RYR2: variants seen among roughly 807,000 people sequenced by gnomAD.
The protein encoded by RYR2 is cardiac muscle ryanodine receptor-calcium release channel.
Under a neutral mutation model 601.1 loss-of-function variants are expected in RYR2, and 227 were observed. The observed-to-expected ratio is 0.38, with a 90% CI of 0.34 to 0.42. RYR2 has a LOEUF of 0.42. Among genes scored for constraint, RYR2 ranks in the 10% least tolerant of loss-of-function variants. The pLI, the probability that RYR2 is intolerant of heterozygous loss-of-function variation, is 1.00. For missense variants in RYR2, 4,646 were observed against 6,156.5 expected (o/e 0.75, Z 8.21); for synonymous variants, 2,223 against 2,175.1 (o/e 1.02, Z -0.61).
chr1:237,677,321 T>C (rs938537755), intron 60 of RYR2, among the ~76,000 whole-genome samples: 1 of 152,186 alleles, frequency 6.6e-6, no homozygotes, highest in African/African-American at 2.4e-5. Context: ...TATTAATATA[T>C]GCATGAACCT....
chr1:237,521,043 A>G (rs1163996214), intron 24 of RYR2, among the ~76,000 whole-genome samples: 1 of 152,132 alleles, frequency 6.6e-6, no homozygotes, highest in Middle Eastern at 3.2e-3. Context: ...TCTCCAAAAA[A>G]AAGGATTGAA....
At chr1:237,331,026 C>T (rs1399058837) in intron 3 of RYR2, 44 bp downstream of exon 3, 1 of 1,454,356 alleles carries the variant, frequency 6.9e-7, no homozygotes, top group Admixed American at 1.7e-5. Context: ...TTAATGAGCT[C>T]AGCTACTATA....
chr1:237,645,602 C>T (rs1682040396), intron 48 of RYR2, among the ~76,000 whole-genome samples: 1 of 152,130 alleles, frequency 6.6e-6, no homozygotes, highest in Non-Finnish European at 1.5e-5. Context: ...GCCCAGGGGT[C>T]CTTTACAGAA....
intron 10 of RYR2, among the ~76,000 whole-genome samples, chr1:237,392,829 C>T (rs1277039983): frequency 6.6e-6 from 1 of 152,098 alleles, no homozygotes; most frequent in Non-Finnish European, 1.5e-5. Flanking sequence ...ATGTTAAAAA[C>T]AGGTTTGCAA....
intron 25 of RYR2, among the ~76,000 whole-genome samples, chr1:237,536,636 A>T (rs908473205): frequency 6.7e-6 from 1 of 149,924 alleles, no homozygotes; most frequent in Non-Finnish European, 1.5e-5. Flanking sequence ...AATGGCGTGA[A>T]TCCGGGAGGC....
At chr1:237,455,221 T>C (rs1658665033) in intron 15 of RYR2, among the ~76,000 whole-genome samples, 1 of 152,178 alleles carries the variant, frequency 6.6e-6, no homozygotes, top group South Asian at 2.1e-4. Flanking sequence ...AGTCAGGAGC[T>C]TCGTTGGAGA....
chr1:237,374,236 C>T (rs1052844058), intron 6 of RYR2, among the ~76,000 whole-genome samples: 8 of 151,968 alleles, frequency 5.3e-5, no homozygotes, highest in Non-Finnish European at 1.0e-4. Context: ...TAAACCTTAA[C>T]GATGGCTGGT....
intron 91 of RYR2, 111 bp from the exon 92 acceptor site, chr1:237,787,877 C>T (rs1210793710): frequency 9.5e-7 from 1 of 1,053,644 alleles, no homozygotes; most frequent in Admixed American, 2.8e-5. Context: ...AATTAGTTTT[C>T]AAAAGTAATA....
At chr1:237,792,366 T>TGTGTGC (rs1553327290) in intron 94 of RYR2, 43 bp downstream of exon 94, 3 of 805,186 alleles carry the variant, frequency 3.7e-6, no homozygotes, top group Admixed American at 2.8e-5. Flanking sequence ...TGTGTGTGTG[T>TGTGTGC]GTGTGTGTGT....
chr1:237,304,855 A>G (rs1371735829), intron 2 of RYR2, among the ~76,000 whole-genome samples: 1 of 152,238 alleles, frequency 6.6e-6, no homozygotes, highest in Non-Finnish European at 1.5e-5. Context: ...TAGAATACAT[A>G]GAGTATTATG....
chr1:237,670,672 A>G (rs968732672), intron 58 of RYR2, among the ~76,000 whole-genome samples: 7 of 152,248 alleles, frequency 4.6e-5, no homozygotes, highest in African/African-American at 1.7e-4. Flanking sequence ...ATTAAAAATA[A>G]TAAGCAGCTA....
chr1:237,792,375 G>A lies in RYR2; in HGVS notation c.13782+52G>A, dbSNP rs1394424010. The A allele has an allele frequency of 1.5e-4, 125 of 833,936 alleles. 2 individuals are homozygous for A. The highest frequency in any genetic ancestry group is 3.4e-4 in the Middle Eastern group (1 of 2,922). The allele number at this position is 833,936 out of a possible 1,614,324, so 51.7% of individuals were successfully genotyped here. A position where few individuals can be genotyped will look rare whatever the true frequency, so the allele number is the denominator to read the frequency against. ...TGTGTGTGTGTGTGTGTGTGTGTGT[G>A]TGTGTGCGTGTGTGTGTGTGTGCGT... On this transcript the variant is annotated intron_variant, in intron 94 of 104. Coordinates refer to ENST00000366574, the MANE Select transcript of RYR2 (RefSeq NM_001035.3).
rs1288827105 is a variant in RYR2 at position 237,673,262 on chromosome 1, CTGTTT to C, written c.8591-832_8591-828del. 2.0e-5 allele frequency among the ~76,000 whole-genome samples: 3 copies of C among 152,228 alleles called. No individual in the cohort carries two copies. The East Asian group carries it at 5.8e-4, about 29-fold the overall frequency. On this transcript the variant is annotated intron_variant, in intron 58 of 104. Coordinates refer to ENST00000366574, the MANE Select transcript of RYR2 (RefSeq NM_001035.3). ...GCATACCATGCTATTCGGTTTGCTGCTGTTTTAATAGCATTCTTTGTATCAGATCT... is the reference window on the plus strand; with the variant it reads ...GCATACCATGCTATTCGGTTTGCTGCTAATAGCATTCTTTGTATCAGATCT...
chr1:237,559,982 T>C (rs1671290114), intron 27 of RYR2, among the ~76,000 whole-genome samples: 1 of 152,236 alleles, frequency 6.6e-6, no homozygotes, highest in African/African-American at 2.4e-5. Context: ...TCTCCCAGTC[T>C]TTACCAAAGG....
intron 1 of RYR2, among the ~76,000 whole-genome samples, chr1:237,160,664 C>G (rs888660067): frequency 5.3e-5 from 8 of 151,792 alleles, no homozygotes; most frequent in African/African-American, 1.9e-4. Context: ...GACAGCCTTT[C>G]ATTGATCTTT....
chr1:237,764,486 T>C (rs1693689479), intron 84 of RYR2, among the ~76,000 whole-genome samples: 1 of 145,826 alleles, frequency 6.9e-6, no homozygotes, highest in African/African-American at 2.5e-5. Context: ...TGTCGCTCTG[T>C]CGCCCAGGCT....
chr1:237,462,980 A>T (rs1407963791), intron 16 of RYR2, among the ~76,000 whole-genome samples: 2 of 152,124 alleles, frequency 1.3e-5, no homozygotes, highest in Admixed American at 1.3e-4. Context: ...AGTTTACAAG[A>T]TCCCCAAACA....
chr1:237,115,614 A>T (rs887849593), intron 1 of RYR2, among the ~76,000 whole-genome samples: 3 of 152,186 alleles, frequency 2.0e-5, no homozygotes, highest in African/African-American at 7.2e-5. Context: ...ACCAAAGACA[A>T]AGGTTCATTT....
At position 237,492,937 on chromosome 1, in the gene RYR2, G is replaced by A; in HGVS notation, c.1828-17G>A. 1 of 1,559,012 alleles carries A rather than the reference G, an allele frequency of 6.4e-7. No homozygotes were observed. Among genetic ancestry groups the A allele is most frequent in the Non-Finnish European group, 8.7e-7 (1 of 1,149,542 alleles). ...GGGAGGGAGGGAGGATCAGCTGAAA[G>A]TAATTTCTCTTTTCAGGTTCTGGAT... is the stretch of plus-strand genomic sequence containing the variant. On this transcript the variant is annotated splice_polypyrimidine_tract_variant and intron_variant, in intron 18 of 104. Coordinates refer to ENST00000366574, the MANE Select transcript of RYR2 (RefSeq NM_001035.3).
Sources: gnomAD v4.1 joint callset for allele counts (sites outside exome capture counted in the v4.1 genomes callset) on GRCh38, gnomAD v4.1.1 for gene constraint, MANE v1.5 for transcripts, NCBI Gene and HGNC (gene_info 2026-07-23, HGNC 2026-07-21) for gene names.